TAOK3: variants seen among roughly 807,000 people sequenced by gnomAD.
TAOK3 encodes the protein serine/threonine-protein kinase TAO3.
Under a neutral mutation model 120.4 loss-of-function variants are expected in TAOK3, and 40 were observed. The observed-to-expected ratio is 0.33, with a 90% CI of 0.26 to 0.43. The LOEUF (loss-of-function observed/expected upper bound fraction) is 0.43. TAOK3 is among the 20% of genes least tolerant of loss of function. The probability of loss-of-function intolerance (pLI) is 1.00; values close to 1 mark genes in which losing one functional copy is unlikely to be tolerated. For synonymous variants in TAOK3, 355 were observed against 387.5 expected (o/e 0.92, Z 0.99); for missense variants, 821 against 1,112.1 (o/e 0.74, Z 3.72).
intron 13 of TAOK3, among the ~76,000 whole-genome samples, chr12:118,196,937 A>T (rs972633395): frequency 1.3e-5 from 2 of 152,222 alleles, no homozygotes; most frequent in Non-Finnish European, 2.9e-5. Context: ...TAGTTTCCTC[A>T]TTCCTAAGTT....
chr12:118,360,244 G>A (rs1422846093), intron 1 of TAOK3, among the ~76,000 whole-genome samples: 1 of 148,168 alleles, frequency 6.7e-6, no homozygotes, highest in African/African-American at 2.5e-5. Context: ...CAGCCTGGGC[G>A]ACAGAGTGAG....
chr12:118,331,743 A>G (rs1328790258), intron 1 of TAOK3, among the ~76,000 whole-genome samples: 1 of 151,460 alleles, frequency 6.6e-6, no homozygotes, highest in Non-Finnish European at 1.5e-5. Flanking sequence ...ATAAATTGCT[A>G]TAAATATATT....
chr12:118,269,607 T>C (rs578125198), intron 1 of TAOK3, among the ~76,000 whole-genome samples: 26 of 152,180 alleles, frequency 1.7e-4, no homozygotes, highest in African/African-American at 5.8e-4. Flanking sequence ...TGACTTGCGA[T>C]GATGCACCTG....
chr12:118,334,844 C>A (rs964858807), intron 1 of TAOK3, among the ~76,000 whole-genome samples: 1 of 149,910 alleles, frequency 6.7e-6, no homozygotes, highest in Non-Finnish European at 1.5e-5. Context: ...CCCTTGCACT[C>A]CAGCTTGGGG....
chr12:118,197,036 A>G (rs1301115463), intron 13 of TAOK3, among the ~76,000 whole-genome samples: 1 of 152,230 alleles, frequency 6.6e-6, no homozygotes, highest in African/African-American at 2.4e-5. Context: ...ACCATCCAAT[A>G]CAAACTTCAT....
At chr12:118,341,437 C>T (rs577292407) in intron 1 of TAOK3, among the ~76,000 whole-genome samples, 39 of 152,038 alleles carry the variant, frequency 2.6e-4, no homozygotes, top group African/African-American at 9.2e-4. Context: ...CAAATTAGGT[C>T]CATCTGTCCA....
chr12:118,354,098 G>T (rs1434077565), intron 1 of TAOK3, among the ~76,000 whole-genome samples: 1 of 152,186 alleles, frequency 6.6e-6, no homozygotes, highest in Non-Finnish European at 1.5e-5. Flanking sequence ...TGCAGTAGTT[G>T]TCCTTATGTG....
chr12:118,354,490 A>C (rs12231358), intron 1 of TAOK3, among the ~76,000 whole-genome samples: 4,925 of 152,286 alleles, frequency 0.032, 289 homozygotes, highest in East Asian at 0.25. Context: ...GGGGCCAGGC[A>C]CAGTGGCTCA....
intron 1 of TAOK3, among the ~76,000 whole-genome samples, chr12:118,278,937 G>A (rs749988436): frequency 6.6e-6 from 1 of 152,120 alleles, no homozygotes; most frequent in Non-Finnish European, 1.5e-5. Flanking sequence ...CTCTTGAGTA[G>A]CTGGGATTAC....
intron 3 of TAOK3, 45 bp downstream of exon 3, chr12:118,255,403 C>T: frequency 1.9e-6 from 3 of 1,604,548 alleles, no homozygotes; most frequent in Non-Finnish European, 2.6e-6. Context: ...TAGAGTCCAA[C>T]CTTTCTTAAT....
At chr12:118,291,450 C>T (rs11068899) in intron 1 of TAOK3, among the ~76,000 whole-genome samples, 8,151 of 152,044 alleles carry the variant, frequency 0.054, 455 homozygotes, top group East Asian at 0.25. Flanking sequence ...TGTGAGCCAC[C>T]GTGCCCAGCG....
chr12:118,252,873 C>T (rs913266131), intron 3 of TAOK3, among the ~76,000 whole-genome samples: 1 of 152,024 alleles, frequency 6.6e-6, no homozygotes, highest in South Asian at 2.1e-4. Context: ...GTACAGGCGT[C>T]CACCACCATG....
chr12:118,238,118 G>T lies in TAOK3; in HGVS notation c.392C>A (p.Ala131Asp). 1 of 1,612,116 alleles carries T rather than the reference G, an allele frequency of 6.2e-7. No homozygotes were observed. The change falls in exon 7 of 21, where the codon GCC (alanine) becomes GAC (aspartate). Residue 131 changes from alanine to aspartate, a missense_variant. Coordinates refer to ENST00000392533, the MANE Select transcript of TAOK3 (RefSeq NM_016281.4). ...EVEIAAITHG[A>D]LHGLAYLHSH... ...ATGTAGGTAGGCTAGTCCATGCAAG[G>T]CTCCATGAGTAATGGCAGCGATCTC...
intron 14 of TAOK3, among the ~76,000 whole-genome samples, chr12:118,184,092 T>C (rs1239436417): frequency 2.0e-5 from 3 of 152,192 alleles, no homozygotes; most frequent in African/African-American, 7.2e-5. Context: ...CAGAGCTCAA[T>C]CTGCTATCAT....
At chr12:118,197,976 C>T (rs888193777) in intron 13 of TAOK3, among the ~76,000 whole-genome samples, 2 of 152,130 alleles carry the variant, frequency 1.3e-5, no homozygotes, top group South Asian at 2.1e-4. Context: ...CTTTTTTACT[C>T]TTCAAATACA....
chr12:118,327,273 A>C (rs571662318), intron 1 of TAOK3, among the ~76,000 whole-genome samples: 1 of 152,218 alleles, frequency 6.6e-6, no homozygotes, highest in Admixed American at 6.5e-5. Context: ...AACTCCCACA[A>C]GAATCCCAAG....
chr12:118,268,560 C>G (rs1297729151), intron 1 of TAOK3, among the ~76,000 whole-genome samples: 1 of 152,198 alleles, frequency 6.6e-6, no homozygotes, highest in Admixed American at 6.5e-5. Flanking sequence ...GTAGCTAAAA[C>G]TTGCCTGAAT....
intron 1 of TAOK3, among the ~76,000 whole-genome samples, chr12:118,274,463 C>T (rs1413216599): frequency 1.3e-5 from 2 of 152,084 alleles, no homozygotes; most frequent in African/African-American, 4.8e-5. Context: ...TATGAAGATT[C>T]TTCTAGTCAC....
chr12:118,234,533 C>T (rs572763220), intron 8 of TAOK3, among the ~76,000 whole-genome samples: 6 of 152,194 alleles, frequency 3.9e-5, no homozygotes, highest in African/African-American at 9.6e-5. Flanking sequence ...CGTGAGCCAC[C>T]GCGCCTGGAG....
Sources: gnomAD v4.1 joint callset for allele counts (sites outside exome capture counted in the v4.1 genomes callset) on GRCh38, gnomAD v4.1.1 for gene constraint, MANE v1.5 for transcripts, NCBI Gene and HGNC (gene_info 2026-07-23, HGNC 2026-07-21) for gene names.